GRIP1: variants seen among roughly 807,000 people sequenced by gnomAD.
GRIP1 encodes glutamate receptor-interacting protein 1.
GRIP1 carries 45 observed loss-of-function variants against 129.9 expected under a neutral mutation model. That is an observed-to-expected ratio of 0.35 (90% CI 0.27 to 0.44). GRIP1 has a LOEUF of 0.44. Among genes scored for constraint, GRIP1 ranks in the 20% least tolerant of loss-of-function variants. GRIP1 has a pLI of 1.00. For missense variants in GRIP1, 1,196 were observed against 1,396.8 expected, an observed-to-expected ratio of 0.86 and a Z score of 2.29; for synonymous variants, 530 against 520.8, an observed-to-expected ratio of 1.02 and a Z score of -0.24.
chr12:66,857,792 A>G (rs2040033541), intron 1 of GRIP1, among the ~76,000 whole-genome samples: 1 of 152,062 alleles, frequency 6.6e-6, no homozygotes, highest in Non-Finnish European at 1.5e-5. Flanking sequence ...AAGCTATCAT[A>G]GAAAGAGGAA....
intron 1 of GRIP1, among the ~76,000 whole-genome samples, chr12:66,976,149 C>T (rs2042148354): frequency 6.6e-6 from 1 of 152,182 alleles, no homozygotes; most frequent in East Asian, 1.9e-4. Flanking sequence ...ACATGCATCG[C>T]TTAATTTCCC....
At chr12:66,491,465 T>A (rs991755604) in intron 7 of GRIP1, among the ~76,000 whole-genome samples, 1 of 151,666 alleles carries the variant, frequency 6.6e-6, no homozygotes, top group Non-Finnish European at 1.5e-5. Flanking sequence ...CCTGTCAGAG[T>A]GGTGGGGCTT....
At chr12:66,471,186 T>A (rs765798728) in intron 7 of GRIP1, among the ~76,000 whole-genome samples, 1 of 152,178 alleles carries the variant, frequency 6.6e-6, no homozygotes, top group Non-Finnish European at 1.5e-5. Context: ...TCTCTACTCA[T>A]CTTTACACAA....
At chr12:66,709,744 T>C (rs979450204) in intron 1 of GRIP1, among the ~76,000 whole-genome samples, 5 of 151,950 alleles carry the variant, frequency 3.3e-5, no homozygotes, top group African/African-American at 1.2e-4. Flanking sequence ...ATGTCAGTAC[T>C]CACCTAAGTC....
chr12:66,771,303 T>A (rs2037810288), intron 1 of GRIP1, among the ~76,000 whole-genome samples: 1 of 152,170 alleles, frequency 6.6e-6, no homozygotes, highest in South Asian at 2.1e-4. Flanking sequence ...TTTTCCAACC[T>A]GATACTCAAA....
At chr12:66,951,103 TC>T (rs755310678) in intron 1 of GRIP1, among the ~76,000 whole-genome samples, 118 of 152,328 alleles carry the variant, frequency 7.7e-4, no homozygotes, top group Middle Eastern at 3.4e-3. Flanking sequence ...AGCTTATAGT[TC>T]CGCAAATCTT....
chr12:66,475,571 G>C (rs1268142305), intron 7 of GRIP1, among the ~76,000 whole-genome samples: 2 of 152,086 alleles, frequency 1.3e-5, no homozygotes, highest in African/African-American at 4.8e-5. Context: ...TCACCACATA[G>C]TTGGAAGTAA....
intron 1 of GRIP1, among the ~76,000 whole-genome samples, chr12:67,027,904 C>T (rs573695068): frequency 1.3e-5 from 2 of 152,276 alleles, no homozygotes; most frequent in African/African-American, 4.8e-5. Context: ...CCAGATATGC[C>T]TCTTGAAAAG....
chr12:66,879,426 A>G (rs2137183926), intron 1 of GRIP1, among the ~76,000 whole-genome samples: 1 of 152,156 alleles, frequency 6.6e-6, no homozygotes, highest in East Asian at 1.9e-4. Flanking sequence ...TTTATAGGTT[A>G]AATAAATAAA....
intron 23 of GRIP1, among the ~76,000 whole-genome samples, chr12:66,364,242 G>C: frequency 7.9e-6 from 1 of 127,178 alleles, no homozygotes; most frequent in East Asian, 2.4e-4. Flanking sequence ...CTCCAGCCTG[G>C]GTGACACAGC....
At position 66,401,062 on chromosome 12, in the gene GRIP1, A is replaced by G. The variant is rs547445891; in HGVS notation, c.1984+5221T>C. Among the ~76,000 whole-genome samples, 8 of 152,320 alleles carry G rather than the reference A, an allele frequency of 5.3e-5. No individual in the cohort carries two copies. The East Asian group carries it at 1.5e-3, about 29-fold the overall frequency. On this transcript the variant is annotated intron_variant, in intron 16 of 24. Coordinates refer to ENST00000359742, the MANE Select transcript of GRIP1 (RefSeq NM_001366722.1). ...CTACCTGAGTTACATTCCTTCAGTAATGGAAGACGACAAATGCAGAAGCTC... is the reference window on the plus strand; with the variant it reads ...CTACCTGAGTTACATTCCTTCAGTAGTGGAAGACGACAAATGCAGAAGCTC...
intron 1 of GRIP1, among the ~76,000 whole-genome samples, chr12:66,933,972 T>C (rs11176488): frequency 0.33 from 49,386 of 151,900 alleles, 8,170 homozygotes; most frequent in East Asian, 0.53. Context: ...CTAACTCTAC[T>C]ATCCTCCCAC....
At chr12:66,420,243 G>T (rs7397823) in intron 15 of GRIP1, among the ~76,000 whole-genome samples, 76,355 of 151,950 alleles carry the variant, frequency 0.5, 21,414 homozygotes, top group Non-Finnish European at 0.63. Flanking sequence ...TTTATGAAAT[G>T]AAAAATTTGA....
intron 1 of GRIP1, among the ~76,000 whole-genome samples, chr12:66,999,576 T>C (rs1417218832): frequency 6.6e-6 from 1 of 152,114 alleles, no homozygotes; most frequent in Non-Finnish European, 1.5e-5. Context: ...AAGAGAAGAT[T>C]AAGTAAGTGA....
chr12:66,812,565 T>C (rs1372208442), intron 1 of GRIP1, among the ~76,000 whole-genome samples: 2 of 152,242 alleles, frequency 1.3e-5, no homozygotes, highest in African/African-American at 2.4e-5. Context: ...AAACAGAATA[T>C]GGAGGGAAAA....
At chr12:66,769,633 T>C (rs1026176130) in intron 1 of GRIP1, among the ~76,000 whole-genome samples, 36 of 152,130 alleles carry the variant, frequency 2.4e-4, no homozygotes, top group African/African-American at 8.7e-4. Context: ...CTGTGTATCC[T>C]GAGCACACAC....
At chr12:66,838,541 C>T (rs2039658179) in intron 1 of GRIP1, among the ~76,000 whole-genome samples, 1 of 152,130 alleles carries the variant, frequency 6.6e-6, no homozygotes, top group Non-Finnish European at 1.5e-5. Context: ...CACGCTCATT[C>T]ACGCATGTGA....
chr12:66,522,671 C>A (rs140429437), intron 5 of GRIP1, among the ~76,000 whole-genome samples: 1 of 152,184 alleles, frequency 6.6e-6, no homozygotes, highest in African/African-American at 2.4e-5. Flanking sequence ...AGCAATGGAA[C>A]AGAGCTGGAT....
At chr12:66,391,095 A>G (rs912663611) in intron 19 of GRIP1, among the ~76,000 whole-genome samples, 3 of 152,166 alleles carry the variant, frequency 2.0e-5, no homozygotes, top group Non-Finnish European at 4.4e-5. Flanking sequence ...GACACAACAT[A>G]GGCAGGCTGA....
Sources: gnomAD v4.1 joint callset for allele counts (sites outside exome capture counted in the v4.1 genomes callset) on GRCh38, gnomAD v4.1.1 for gene constraint, MANE v1.5 for transcripts, NCBI Gene and HGNC (gene_info 2026-07-23, HGNC 2026-07-21) for gene names.